Variants in MCC observed in about 807,000 individuals in gnomAD.
MCC encodes the protein MCC regulator of Wnt signaling pathway.
MCC carries 90 observed loss-of-function variants against 116.2 expected under a neutral mutation model. The observed-to-expected ratio is 0.77, with a 90% CI of 0.65 to 0.92. MCC has a LOEUF of 0.92. Among genes scored for constraint, MCC ranks in the 40% least tolerant of loss-of-function variants. The probability of loss-of-function intolerance (pLI) is 0.00; values close to 1 mark genes in which losing one functional copy is unlikely to be tolerated. For missense variants in MCC, 1,516 were observed against 1,312.2 expected, an observed-to-expected ratio of 1.16 and a Z score of -2.40; for synonymous variants, 578 against 510.5, an observed-to-expected ratio of 1.13 and a Z score of -1.78.
rs1156646775 is a variant in MCC at position 113,036,202 on chromosome 5, T to C, written c.2757-7146A>G. Among the ~76,000 whole-genome samples the C allele has an allele frequency of 3.9e-5, 6 of 151,976 alleles. No homozygotes were observed. The East Asian group carries it at 1.2e-3, about 29-fold the overall frequency. On this transcript the variant is annotated intron_variant, in intron 17 of 18. Transcript: ENST00000408903. ...ATAGGCACCTGTCACCATGCCCAGCTCATTTTTGTATTTTTAGTAGGGACA... is the reference window on the plus strand; with the variant it reads ...ATAGGCACCTGTCACCATGCCCAGCCCATTTTTGTATTTTTAGTAGGGACA...
intron 3 of MCC, among the ~76,000 whole-genome samples, chr5:113,155,376 T>C (rs1760115743): frequency 6.6e-6 from 1 of 152,206 alleles, no homozygotes; most frequent in Admixed American, 6.6e-5. Flanking sequence ...AATAAGCCGA[T>C]TTTCTTTGCT....
chr5:113,085,192 C>T lies in MCC; in HGVS notation c.1517G>A (p.Ser506Asn). The T allele has an allele frequency of 6.2e-7, 1 of 1,614,202 alleles. No individual in the cohort carries two copies. The highest frequency in any genetic ancestry group is 8.5e-7 in the Non-Finnish European group (1 of 1,180,040). ...GGCGATGGGAATGTCATTGCTGCTG[C>T]TGCTTGTGCTCAGCTCCCCAGTGCT... ...NPSTGELSTS[S>N]SSNDIPIAKI... The change falls in exon 9 of 19, where the codon AGC becomes AAC. Residue 506 changes from serine (S) to asparagine (N), a missense_variant. Ser to Asn is a conservative substitution (Grantham distance 46). Transcript: ENST00000408903.
chr5:113,097,486 A>G (rs184484637), intron 8 of MCC, among the ~76,000 whole-genome samples: 6 of 152,308 alleles, frequency 3.9e-5, no homozygotes, highest in East Asian at 1.9e-4. Context: ...ATATTTTTAT[A>G]TACATACATA....
chr5:113,201,071 T>C (rs912469865), intron 3 of MCC, among the ~76,000 whole-genome samples: 1 of 152,152 alleles, frequency 6.6e-6, no homozygotes, highest in African/African-American at 2.4e-5. Flanking sequence ...TCCATCTATA[T>C]GCTTGGAACT....
rs766862359 is a variant in MCC, at chr5:113,068,085, G to C, written c.2024C>G (p.Ser675Cys). 6.2e-7 allele frequency: 1 copy of C among 1,613,778 alleles called. No individual in the cohort carries two copies. Among genetic ancestry groups the C allele is most frequent in the African/African-American group, 1.3e-5 (1 of 74,920 alleles). ...GGGACTCTGGAGACACTTACCAGGG[G>C]AGGACCCCACGCCCGCCGCTCGGAA... ...GQFRAAGVGS[S>C]PGDQSGDENI... The change falls in exon 13 of 19, where the codon TCC (serine) becomes TGC (cysteine). Residue 675 changes from serine (S) to cysteine (C), a missense_variant. By Grantham distance (112) the Ser-to-Cys change is moderately radical (BLOSUM62 -1). Transcript: ENST00000408903.
chr5:113,112,615 T>G (rs1036583303), intron 6 of MCC, among the ~76,000 whole-genome samples: 1 of 152,206 alleles, frequency 6.6e-6, no homozygotes, highest in Non-Finnish European at 1.5e-5. Flanking sequence ...GAAAACGGAC[T>G]AATACAGCCT....
At chr5:113,146,536 G>A (rs184820537) in intron 4 of MCC, among the ~76,000 whole-genome samples, 46 of 152,026 alleles carry the variant, frequency 3.0e-4, no homozygotes, top group Non-Finnish European at 6.0e-4. Flanking sequence ...AGCCCAAAGA[G>A]CTCTCTCTTC....
intron 1 of MCC, among the ~76,000 whole-genome samples, chr5:113,477,456 TC>T (rs1431802227): frequency 6.6e-6 from 1 of 152,178 alleles, no homozygotes; most frequent in Non-Finnish European, 1.5e-5. Context: ...ATAATGATTT[TC>T]AGACATCATA....
At chr5:113,451,267 C>G (rs1451982399) in intron 1 of MCC, among the ~76,000 whole-genome samples, 4 of 152,196 alleles carry the variant, frequency 2.6e-5, no homozygotes. Flanking sequence ...ACAAAAGGCC[C>G]TCAGATAAAG....
At chr5:113,125,488 C>T (rs1038642536) in intron 5 of MCC, among the ~76,000 whole-genome samples, 1 of 152,146 alleles carries the variant, frequency 6.6e-6, no homozygotes, top group Non-Finnish European at 1.5e-5. Flanking sequence ...TTGTGTCTCC[C>T]ACTGACTTTG....
At chr5:113,298,194 T>C (rs1380092828) in intron 3 of MCC, among the ~76,000 whole-genome samples, 1 of 152,198 alleles carries the variant, frequency 6.6e-6, no homozygotes, top group African/African-American at 2.4e-5. Flanking sequence ...TTTGTTTTTA[T>C]GGAGGCCAAA....
intron 8 of MCC, among the ~76,000 whole-genome samples, chr5:113,097,730 C>G (rs1756115345): frequency 6.6e-6 from 1 of 152,172 alleles, no homozygotes; most frequent in Non-Finnish European, 1.5e-5. Flanking sequence ...ACTTACACTT[C>G]CAGGCTGGTC....
chr5:113,300,376 T>C (rs543633506), intron 3 of MCC, among the ~76,000 whole-genome samples: 116 of 152,314 alleles, frequency 7.6e-4, no homozygotes, highest in African/African-American at 2.6e-3. Flanking sequence ...CCCTTCTCCA[T>C]TGACTCTCTC....
At chr5:113,243,539 G>C (rs1293925321) in intron 3 of MCC, among the ~76,000 whole-genome samples, 1 of 152,194 alleles carries the variant, frequency 6.6e-6, no homozygotes, top group African/African-American at 2.4e-5. Flanking sequence ...TTAAATGAAA[G>C]CACATAATCT....
At chr5:113,296,296 G>A (rs778203695) in intron 3 of MCC, among the ~76,000 whole-genome samples, 1 of 152,166 alleles carries the variant, frequency 6.6e-6, no homozygotes, top group South Asian at 2.1e-4. Context: ...CCCCTGCCCT[G>A]AAGGTGTTTA....
Position 113,488,342 on chromosome 5 carries a change from T to TGCCGCCGCCGCCGCC in MCC, c.72_73insGGCGGCGGCGGCGGC (p.Ser24_Ser25insGlyGlyGlyGlyGly), listed in dbSNP as rs775732898. 7.2e-6 allele frequency: 11 copies of TGCCGCCGCCGCCGCC among 1,531,272 alleles called. No individual in the cohort carries two copies. In the East Asian group the frequency reaches 2.8e-4, roughly 39 times the overall value. The allele number at this position is 1,531,272 out of a possible 1,614,324, so 94.9% of individuals were successfully genotyped here. On this transcript the variant is annotated inframe_insertion, in exon 1 of 19. Coordinates refer to ENST00000408903, the MANE Select transcript of MCC (RefSeq NM_001085377.2). ...CTGGACGTGTCGCTGCTGCTGCTGCTGCTGCCGCTGCCGCCGCCGCCGCCG... is the reference window on the plus strand; with the variant it reads ...CTGGACGTGTCGCTGCTGCTGCTGCTGCCGCCGCCGCCGCCGCTGCCGCTGCCGCCGCCGCCGCCG...
chr5:113,028,566 T>C (rs577023312), intron 18 of MCC, among the ~76,000 whole-genome samples: 2 of 152,310 alleles, frequency 1.3e-5, no homozygotes, highest in East Asian at 1.9e-4. Flanking sequence ...CCAGTGGATA[T>C]TGTGTTGCTC....
At chr5:113,299,811 G>A (rs1007591944) in intron 3 of MCC, among the ~76,000 whole-genome samples, 3 of 152,200 alleles carry the variant, frequency 2.0e-5, no homozygotes, top group Non-Finnish European at 4.4e-5. Flanking sequence ...TTATCAAGAT[G>A]AGGGAGCAGG....
At chr5:113,214,434 C>A (rs1335196596) in intron 3 of MCC, among the ~76,000 whole-genome samples, 2 of 152,190 alleles carry the variant, frequency 1.3e-5, no homozygotes, top group East Asian at 1.9e-4. Context: ...TGCCATGGAA[C>A]AATGGTAGAT....
Sources: allele counts gnomAD v4.1 joint callset (sites outside exome capture counted in the v4.1 genomes callset), GRCh38; gene constraint gnomAD v4.1.1; transcripts MANE v1.5; gene names NCBI Gene and HGNC (gene_info 2026-07-23, HGNC 2026-07-21).